PRDM16: variants seen among roughly 807,000 people sequenced by gnomAD.
The protein encoded by PRDM16 is PR/SET domain 16, also known as histone-lysine N-methyltransferase PRDM16.
PRDM16 carries 23 observed loss-of-function variants against 110.6 expected under a neutral mutation model. The ratio of observed to expected loss-of-function variants is 0.21; its 90% CI spans 0.15 to 0.29. The LOEUF (loss-of-function observed/expected upper bound fraction) is 0.29. PRDM16 is among the 10% of genes least tolerant of loss of function. PRDM16 has a pLI of 1.00. For synonymous variants in PRDM16, 799 were observed against 781.8 expected, an observed-to-expected ratio of 1.02 and a Z score of -0.37; for missense variants, 1,615 against 1,794.3, an observed-to-expected ratio of 0.90 and a Z score of 1.81.
chr1:3,071,031 G>A (rs1018311422), intron 1 of PRDM16, among the ~76,000 whole-genome samples: 8 of 152,274 alleles, frequency 5.3e-5, no homozygotes, highest in Admixed American at 3.9e-4. Flanking sequence ...GGGTGTGCGT[G>A]TGCGTGTTCG....
intron 1 of PRDM16, among the ~76,000 whole-genome samples, chr1:3,147,364 C>T (rs966572056): frequency 6.6e-6 from 1 of 152,060 alleles, no homozygotes; most frequent in East Asian, 1.9e-4. Flanking sequence ...CCGTCCCTGT[C>T]CCTTTCACTG....
At chr1:3,318,407 A>G (rs1641662140) in intron 3 of PRDM16, among the ~76,000 whole-genome samples, 1 of 152,018 alleles carries the variant, frequency 6.6e-6, no homozygotes, top group Non-Finnish European at 1.5e-5. Flanking sequence ...TGTTATTCTT[A>G]TTCTTCTACA....
intron 1 of PRDM16, among the ~76,000 whole-genome samples, chr1:3,084,360 T>C (rs6695131): frequency 0.55 from 83,991 of 151,984 alleles, 23,934 homozygotes; most frequent in East Asian, 0.65. Flanking sequence ...AGTAAGAAGA[T>C]TCCAGGGAAC....
intron 3 of PRDM16, among the ~76,000 whole-genome samples, chr1:3,274,499 G>T (rs149940810): frequency 1.3e-5 from 2 of 152,300 alleles, no homozygotes; most frequent in Admixed American, 1.3e-4. Flanking sequence ...AGGAAGGTCC[G>T]TTCTGAAAGG....
intron 1 of PRDM16, among the ~76,000 whole-genome samples, chr1:3,111,691 C>G (rs1030143890): frequency 2.6e-5 from 4 of 152,158 alleles, no homozygotes; most frequent in African/African-American, 9.7e-5. Flanking sequence ...AGGTACCGGC[C>G]TTTTGTCTGC....
At chr1:3,341,992 C>T (rs1341126892) in intron 3 of PRDM16, among the ~76,000 whole-genome samples, 1 of 152,208 alleles carries the variant, frequency 6.6e-6, no homozygotes, top group Non-Finnish European at 1.5e-5. Flanking sequence ...AAGCACCTGT[C>T]CTTTTTAAAT....
chr1:3,176,738 A>G (rs12038657), intron 1 of PRDM16, among the ~76,000 whole-genome samples: 70,458 of 149,636 alleles, frequency 0.47, 17,582 homozygotes, highest in African/African-American at 0.65. Flanking sequence ...CCATCCATCC[A>G]TCCATCTATT....
chr1:3,413,527 G>A (rs1643730031), intron 9 of PRDM16, among the ~76,000 whole-genome samples: 1 of 151,308 alleles, frequency 6.6e-6, no homozygotes, highest in African/African-American at 2.4e-5. Flanking sequence ...GCTAGGCTTG[G>A]GGAGGGGGTC....
At chr1:3,235,533 G>A (rs1387733812) in intron 2 of PRDM16, among the ~76,000 whole-genome samples, 4 of 152,128 alleles carry the variant, frequency 2.6e-5, no homozygotes, top group South Asian at 2.1e-4. Flanking sequence ...CTTCCCGCTC[G>A]CCCCGCTGCC....
intron 1 of PRDM16, among the ~76,000 whole-genome samples, chr1:3,141,826 G>A (rs760624848): frequency 6.6e-6 from 1 of 152,236 alleles, no homozygotes; most frequent in Non-Finnish European, 1.5e-5. Context: ...TGTCTCAGTT[G>A]GGGTGGGGGC....
At chr1:3,073,060 GC>G (rs1455291651) in intron 1 of PRDM16, among the ~76,000 whole-genome samples, 8 of 152,392 alleles carry the variant, frequency 5.2e-5, no homozygotes, top group African/African-American at 1.4e-4. Context: ...CCTGTGAGCG[GC>G]TCTTCCAGAG....
chr1:3,310,248 GC>G, intron 3 of PRDM16, among the ~76,000 whole-genome samples: 1 of 152,284 alleles, frequency 6.6e-6, no homozygotes, highest in East Asian at 1.9e-4. Flanking sequence ...GATGACACCT[GC>G]CCGGCACACT....
rs765811267 is a variant in PRDM16 at position 3,396,638 on chromosome 1, C to A, written c.676+45C>A. The stretch of plus-strand genomic sequence containing the variant: ...CCGGGCCACGGCCCCTGGGAGCCCC[C>A]AGCCAGCCCGGAAGAGGAGCAGATG... On this transcript the variant is annotated intron_variant, in intron 5 of 16. Transcript: ENST00000270722. 2.0e-5 allele frequency: 16 copies of A among 811,988 alleles called. 1 individual carries two copies. The South Asian group carries it at 2.7e-4, about 13-fold the overall frequency. The allele number at this position is 811,988 out of a possible 1,614,324, so 50.3% of individuals were successfully genotyped here.
intron 3 of PRDM16, among the ~76,000 whole-genome samples, chr1:3,331,263 G>T (rs958344893): frequency 7.9e-5 from 12 of 152,104 alleles, no homozygotes; most frequent in Middle Eastern, 3.2e-3. Context: ...CAGCCTGGGG[G>T]GGGCGCATAC....
chr1:3,408,418 G>A (rs1051756371), intron 8 of PRDM16, among the ~76,000 whole-genome samples: 1 of 152,242 alleles, frequency 6.6e-6, no homozygotes, highest in African/African-American at 2.4e-5. Flanking sequence ...CTGGGAATGA[G>A]GTGCACAGGC....
chr1:3,288,978 G>A (rs1298952726), intron 3 of PRDM16, among the ~76,000 whole-genome samples: 1 of 152,162 alleles, frequency 6.6e-6, no homozygotes, highest in Admixed American at 6.5e-5. Context: ...TGCCATCCTT[G>A]CGTGCTCACC....
intron 1 of PRDM16, among the ~76,000 whole-genome samples, chr1:3,116,810 G>C (rs1214261102): frequency 6.6e-6 from 1 of 152,196 alleles, no homozygotes; most frequent in African/African-American, 2.4e-5. Context: ...CTGGTGACTT[G>C]GTGGAGGGCT....
In PRDM16 at chr1:3,411,444, A is replaced by G. The variant is rs2100662115; in HGVS notation, c.1247A>G (p.His416Arg). The part of the protein sequence containing the change: ...FSNLCRHKRM[H>R]ADCRTQIKCK... ...AACCTGTGCCGGCACAAGCGGATGCACGCCGACTGCCGCACGCAGATCAAG... is the reference window on the plus strand; with the variant it reads ...AACCTGTGCCGGCACAAGCGGATGCGCGCCGACTGCCGCACGCAGATCAAG... Residue 416 changes from histidine to arginine, a missense_variant, in exon 9 of 17, where the codon CAC becomes CGC. Around this residue, in one of 5 missense-constraint regions of PRDM16, gnomAD observed 82 missense variants for 144.4 expected, o/e 0.57. Transcript: ENST00000270722. The G allele has an allele frequency of 6.2e-7, 1 of 1,614,152 alleles. No homozygotes were observed. Among genetic ancestry groups the G allele is most frequent in the Non-Finnish European group, 8.5e-7 (1 of 1,180,018 alleles).
chr1:3,336,764 G>A (rs1026313236), intron 3 of PRDM16, among the ~76,000 whole-genome samples: 2 of 152,062 alleles, frequency 1.3e-5, no homozygotes, highest in African/African-American at 4.8e-5. Context: ...GCACATGTGT[G>A]TTGGTGTGAA....
Sources: gnomAD v4.1 joint callset for allele counts (sites outside exome capture counted in the v4.1 genomes callset) on GRCh38, gnomAD v4.1.1 for gene constraint, gnomAD v4.1.1 regional missense constraint, MANE v1.5 for transcripts, NCBI Gene and HGNC (gene_info 2026-07-23, HGNC 2026-07-21) for gene names.